Variants in ASDURF observed in about 807,000 individuals in gnomAD.
ASDURF encodes ASNSD1 upstream open reading frame.
A neutral mutation model predicts 3.3 loss-of-function variants in ASDURF; 3 were observed. The observed-to-expected ratio is 0.92, with a 90% CI of 0.42 to 2.37. The LOEUF is 2.37. ASDURF is among the 30% of genes most tolerant of loss of function. ASDURF has a pLI of 0.05. For missense variants in ASDURF, 23 were observed against 25.4 expected, an observed-to-expected ratio of 0.90 and a Z score of 0.21; for synonymous variants, 11 against 8.3, an observed-to-expected ratio of 1.32 and a Z score of -0.55.
chr2:189,663,520 T>TG (rs1328082303), intron 1 of ASDURF, among the ~76,000 whole-genome samples: 1 of 152,224 alleles, frequency 6.6e-6, no homozygotes, highest in East Asian at 1.9e-4. Flanking sequence ...CCCGAAGTGC[T>TG]GGGATTACAG....
chr2:189,662,248 A>T (rs1394286145), intron 1 of ASDURF, among the ~76,000 whole-genome samples: 3 of 152,198 alleles, frequency 2.0e-5, no homozygotes, highest in Non-Finnish European at 4.4e-5. Context: ...TATAAGCCTT[A>T]ACTGCCATAA....
intron 1 of ASDURF, among the ~76,000 whole-genome samples, chr2:189,662,780 C>T (rs1355122770): frequency 6.6e-6 from 1 of 151,948 alleles, no homozygotes; most frequent in African/African-American, 2.4e-5. Flanking sequence ...GTTGAGCCCT[C>T]CCCTACAAAT....
At chr2:189,664,809 A>G (rs552530087) in intron 2 of ASDURF, among the ~76,000 whole-genome samples, 4 of 116,968 alleles carry the variant, frequency 3.4e-5, no homozygotes. Context: ...GCAAATTGGC[A>G]AAAAGTCTCA....
At chr2:189,663,265 T>G (rs1467817692) in intron 1 of ASDURF, among the ~76,000 whole-genome samples, 1 of 152,000 alleles carries the variant, frequency 6.6e-6, no homozygotes, top group Non-Finnish European at 1.5e-5. Context: ...ATTTATTTAT[T>G]TTTTTGAGAC....
chr2:189,664,833 A>ATC (rs35763691), intron 2 of ASDURF, among the ~76,000 whole-genome samples: 96,551 of 151,898 alleles, frequency 0.64, 32,540 homozygotes, highest in South Asian at 0.76. Flanking sequence ...ATTCAAAACT[A>ATC]TAACACTTTG....
chr2:189,665,644 A>ATATATATATG (rs1455945789), intron 3 of ASDURF, among the ~76,000 whole-genome samples, 193 bp downstream of exon 3: 10 of 123,748 alleles, frequency 8.1e-5, no homozygotes, highest in African/African-American at 3.3e-4. Flanking sequence ...ATATATATAT[A>ATATATATATG]TATTATAAAT....
At position 189,664,572 on chromosome 2, in the gene ASDURF, C is replaced by G. The variant is rs530698717; in HGVS notation, c.144+618C>G. 4.6e-5 allele frequency among the ~76,000 whole-genome samples: 7 copies of G among 152,234 alleles called. No individual in the cohort carries two copies. In the South Asian group the frequency reaches 6.2e-4, roughly 14 times the overall value. On this transcript the variant is annotated intron_variant, in intron 2 of 3. Transcript: ENST00000607829. ...TGGTTAGATATTTCTGATATTGTCA[C>G]TTATGGAATATTAGAAGTTGAGGCA...
chr2:189,661,668 C>G, intron 1 of ASDURF, 58 bp downstream of exon 1: 1 of 399,222 alleles, frequency 2.5e-6, no homozygotes, highest in East Asian at 3.6e-5. Context: ...CCACTGGACC[C>G]TGAAGGTGGT....
rs1400332205 is a variant in ASDURF, at chr2:189,666,013, TA to T, written c.221-26del. 5.3e-6 allele frequency: 6 copies of T among 1,138,334 alleles called. No individual in the cohort carries two copies. The East Asian group carries it at 1.6e-4, about 30-fold the overall frequency. The allele number at this position is 1,138,334 out of a possible 1,614,324, so 70.5% of individuals were successfully genotyped here. On this transcript the variant is annotated intron_variant, in intron 3 of 3. Coordinates refer to ENST00000607829, the MANE Select transcript of ASDURF (RefSeq NM_001353493.2). ...AAAGTCCAAGAATTTTTATGTTATT[TA>T]ATATTTATTCTCCTTCCCTGCAACA...
chr2:189,665,631 T>C (rs2032781664), intron 3 of ASDURF, among the ~76,000 whole-genome samples, 180 bp downstream of exon 3: 3 of 95,442 alleles, frequency 3.1e-5, no homozygotes, highest in South Asian at 3.6e-4. Flanking sequence ...TATATATATA[T>C]ATATATATAT....
intron 2 of ASDURF, 162 bp from the exon 3 acceptor site, chr2:189,665,214 T>A (rs530586186): frequency 2.7e-6 from 1 of 365,106 alleles, no homozygotes; most frequent in African/African-American, 2.1e-5. Context: ...CAATTTCTGG[T>A]AGTTGGGCAG....
At chr2:189,664,240 C>T (rs182061106) in intron 2 of ASDURF, among the ~76,000 whole-genome samples, 23 of 152,062 alleles carry the variant, frequency 1.5e-4, no homozygotes, top group Middle Eastern at 6.8e-3. Flanking sequence ...ATGTTTTATA[C>T]CTGAATTTGA....
At chr2:189,665,644 A>ATATG (rs1455945789) in intron 3 of ASDURF, among the ~76,000 whole-genome samples, 193 bp downstream of exon 3, 29 of 123,744 alleles carry the variant, frequency 2.3e-4, no homozygotes, top group East Asian at 9.6e-4. Context: ...ATATATATAT[A>ATATG]TATTATAAAT....
rs1295242542 is a variant in ASDURF at position 189,666,229 on chromosome 2, A to C, written c.*118A>C. On this transcript the variant is annotated 3_prime_UTR_variant, in exon 4 of 4. Transcript: ENST00000607829. ...ATATAATCTTAAACAGCGGGGACCC[A>C]ATAGTAGTAAACAATTGTTAAAGTC... The C allele has an allele frequency of 1.2e-6, 2 of 1,614,010 alleles. No homozygotes were observed. The highest frequency in any genetic ancestry group is 1.7e-6 in the Non-Finnish European group (2 of 1,180,006).
Position 189,666,127 on chromosome 2 carries a change from A to G in ASDURF, c.*16A>G. 6.5e-7 allele frequency: 1 copy of G among 1,534,280 alleles called. No individual in the cohort carries two copies. Among genetic ancestry groups the G allele is most frequent in the Non-Finnish European group, 8.7e-7 (1 of 1,144,468 alleles). On this transcript the variant is annotated 3_prime_UTR_variant, in exon 4 of 4. Transcript: ENST00000607829. ...CAAGAAATAGTCAACCTGATTTCAC[A>G]TAACAATGTGTGGCATTTGTTGTTC...
intron 2 of ASDURF, 91 bp from the exon 3 acceptor site, chr2:189,665,285 A>G: frequency 2.7e-6 from 1 of 374,862 alleles, no homozygotes; most frequent in Non-Finnish European, 4.8e-6. Flanking sequence ...TACTGAATAG[A>G]TTTTCAAGAA....
rs956443198 is a variant in ASDURF at position 189,665,381 on chromosome 2, A to G, written c.150A>G (p.Val50=). The part of the protein sequence containing the change: ...ELSNLKKNRK[V]YRQQQNSNIF... Reference sequence around the variant, plus strand: ...GCCTAAATTATGTTTTCCAGAAAGTATATAGGCAACAACAGAACAGCAATA... The same window carrying G: ...GCCTAAATTATGTTTTCCAGAAAGTGTATAGGCAACAACAGAACAGCAATA... The change falls in exon 3 of 4, where the codon GTA becomes GTG. Residue 50 remains valine, a synonymous_variant. Transcript: ENST00000607829. 1.5e-5 allele frequency: 6 copies of G among 397,362 alleles called. No homozygotes were observed. Among genetic ancestry groups the G allele is most frequent in the African/African-American group, 8.3e-5 (4 of 48,472 alleles). 24.6% of individuals were successfully genotyped at this position (397,362 alleles called of 1,614,324 possible). A position where few individuals can be genotyped will look rare whatever the true frequency, so the allele number is the denominator to read the frequency against.
At chr2:189,663,433 A>G (rs896914232) in intron 1 of ASDURF, among the ~76,000 whole-genome samples, 5 of 151,800 alleles carry the variant, frequency 3.3e-5, no homozygotes, top group African/African-American at 1.2e-4. Context: ...TTGTATTTTT[A>G]GTAGAGATGG....
chr2:189,665,494 TATACTC>T, intron 3 of ASDURF, 43 bp downstream of exon 3: 1 of 393,304 alleles, frequency 2.5e-6, no homozygotes, highest in South Asian at 1.3e-4. Context: ...GTGCCTAAAT[TATACTC>T]ATCTGAGTGT....
Sources: gnomAD v4.1 joint callset for allele counts (sites outside exome capture counted in the v4.1 genomes callset) on GRCh38, gnomAD v4.1.1 for gene constraint, MANE v1.5 for transcripts, NCBI Gene and HGNC (gene_info 2026-07-23, HGNC 2026-07-21) for gene names.